The following IRS2 variants were observed in gnomAD, a reference collection of about 807,000 sequenced individuals.
IRS2 encodes insulin receptor substrate 2.
IRS2 carries 28 observed loss-of-function variants against 70.9 expected under a neutral mutation model. The observed-to-expected ratio is 0.39, with a 90% CI of 0.29 to 0.54. IRS2 has a LOEUF of 0.54. IRS2 is among the 20% of genes least tolerant of loss of function. IRS2 has a pLI of 0.59. For synonymous variants in IRS2, 1,217 were observed against 981.9 expected (o/e 1.24, Z -4.48); for missense variants, 2,081 against 2,024.1 (o/e 1.03, Z -0.54).
chr13:109,775,775 C>T (rs1047103273), intron 1 of IRS2, among the ~76,000 whole-genome samples: 7 of 151,526 alleles, frequency 4.6e-5, no homozygotes, highest in African/African-American at 1.5e-4. Flanking sequence ...CACACACACA[C>T]ACACACACAC....
At chr13:109,764,471 ATAAT>A (rs1877292909) in intron 1 of IRS2, among the ~76,000 whole-genome samples, 1 of 152,226 alleles carries the variant, frequency 6.6e-6, no homozygotes, top group South Asian at 2.1e-4. Context: ...AAATATATAA[ATAAT>A]TAATACCAAA....
intron 1 of IRS2, among the ~76,000 whole-genome samples, chr13:109,769,999 G>A (rs1042215288): frequency 2.6e-5 from 4 of 152,262 alleles, no homozygotes; most frequent in Non-Finnish European, 5.9e-5. Flanking sequence ...AACTGCAAAA[G>A]GTGGCAAAAG....
At chr13:109,757,053 G>A (rs183478476) in intron 1 of IRS2, among the ~76,000 whole-genome samples, 51 of 152,292 alleles carry the variant, frequency 3.3e-4, no homozygotes, top group Admixed American at 2.7e-3. Flanking sequence ...CTGAGGACAC[G>A]TGGCCAGATC....
In IRS2 at chr13:109,783,570, G is replaced by T; in HGVS notation, c.2484C>A (p.Ser828=). The change falls in exon 1 of 2, where the codon TCC becomes TCA. Residue 828 remains serine, a synonymous_variant. Coordinates refer to ENST00000375856, the MANE Select transcript of IRS2 (RefSeq NM_003749.3). ...GDSDQYVLMS[S]PVGRILEEER... ...CCTCCTCCAGGATGCGCCCCACGGG[G>T]GAGCTCATGAGCACGTACTGGTCGC... 1 of 1,549,290 alleles carries T rather than the reference G, an allele frequency of 6.5e-7. No homozygotes were observed. Among genetic ancestry groups the T allele is most frequent in the Non-Finnish European group, 8.7e-7 (1 of 1,146,254 alleles).
rs1196624356 is a variant in IRS2 at position 109,782,986 on chromosome 13, G to A, written c.3068C>T (p.Ala1023Val). ...CGGCTGCAGAGACGACGACGGGGAC[G>A]CGGACGGACGCGGGGGCAACGGCGG... Reference protein sequence around the residue: ...PYPPLPPRPSASPSSSLQPPP... With the variant: ...PYPPLPPRPSVSPSSSLQPPP... The change falls in exon 1 of 2, where the codon GCG becomes GTG. Residue 1023 changes from alanine to valine, a missense_variant. Ala to Val is a moderately conservative substitution (Grantham distance 64). This residue lies in a region of IRS2 where 1,615 missense variants were observed against 1,459.5 expected (regional missense o/e 1.11). Transcript: ENST00000375856. 1.8e-5 allele frequency: 25 copies of A among 1,377,934 alleles called. No homozygotes were observed. The highest frequency in any genetic ancestry group is 2.2e-5 in the Non-Finnish European group (24 of 1,070,118). 85.4% of individuals were successfully genotyped at this position (1,377,934 alleles called of 1,614,324 possible). A position where few individuals can be genotyped will look rare whatever the true frequency, so the allele number is the denominator to read the frequency against.
Position 109,783,778 on chromosome 13 carries a change from T to C in IRS2, c.2276A>G (p.Lys759Arg). 2 of 1,597,600 alleles carry C rather than the reference T, an allele frequency of 1.3e-6. No individual in the cohort carries two copies. Among genetic ancestry groups the C allele is most frequent in the Non-Finnish European group, 1.7e-6 (2 of 1,172,618 alleles). ...GAGGTAGTCCCCGTTGGGCAGCAGC[T>C]TGCCATCTGCATGCTCCATGGACAG... is the stretch of plus-strand genomic sequence containing the variant. ...SKLSMEHADGKLLPNGDYLNV... is the reference protein window; with the variant it reads ...SKLSMEHADGRLLPNGDYLNV... Residue 759 changes from lysine to arginine, a missense_variant, in exon 1 of 2, where the codon AAG becomes AGG. Lys to Arg is a conservative substitution (Grantham distance 26). Around this residue, in one of 4 missense-constraint regions of IRS2, gnomAD observed 1,615 missense variants for 1,459.5 expected, o/e 1.11. Coordinates refer to ENST00000375856, the MANE Select transcript of IRS2 (RefSeq NM_003749.3).
intron 1 of IRS2, among the ~76,000 whole-genome samples, chr13:109,777,331 C>A (rs558745390): frequency 6.6e-6 from 1 of 152,144 alleles, no homozygotes; most frequent in African/African-American, 2.4e-5. Context: ...CTTAGAACTA[C>A]GTTTCTAAAG....
intron 1 of IRS2, among the ~76,000 whole-genome samples, chr13:109,780,424 C>T (rs564188799): frequency 1.3e-5 from 2 of 152,280 alleles, no homozygotes; most frequent in African/African-American, 2.4e-5. Context: ...TACATTCTGG[C>T]GACTTCCAAT....
At chr13:109,760,997 G>A (rs1358499948) in intron 1 of IRS2, among the ~76,000 whole-genome samples, 1 of 152,198 alleles carries the variant, frequency 6.6e-6, no homozygotes, top group Non-Finnish European at 1.5e-5. Context: ...AGCATTTTCG[G>A]CACACAGTCT....
At chr13:109,757,675 TTTATTA>T (rs1277875011) in intron 1 of IRS2, among the ~76,000 whole-genome samples, 1 of 152,288 alleles carries the variant, frequency 6.6e-6, no homozygotes, top group East Asian at 1.9e-4. Context: ...ATCTATTTTA[TTTATTA>T]TTATTATTAG....
intron 1 of IRS2, among the ~76,000 whole-genome samples, chr13:109,767,857 T>C (rs1342794025): frequency 6.7e-6 from 1 of 148,270 alleles, no homozygotes; most frequent in Non-Finnish European, 1.5e-5. Flanking sequence ...CTCAGCCTCC[T>C]AAGCAGCTGG....
chr13:109,785,557 G>A lies in IRS2; in HGVS notation c.497C>T (p.Ser166Phe), dbSNP rs1435175514. 1.4e-6 allele frequency: 2 copies of A among 1,477,240 alleles called. No homozygotes were observed. The highest frequency in any genetic ancestry group is 9.0e-7 in the Non-Finnish European group (1 of 1,109,528). 91.5% of individuals were successfully genotyped at this position (1,477,240 alleles called of 1,614,324 possible). Residue 166 changes from serine to phenylalanine, a missense_variant, in exon 1 of 2, where the codon TCC becomes TTC. Ser to Phe is a radical substitution (Grantham distance 155). This residue lies in a region of IRS2 where 320 missense variants were observed against 352.9 expected (regional missense o/e 0.91). Coordinates refer to ENST00000375856, the MANE Select transcript of IRS2 (RefSeq NM_003749.3). The surrounding 1 kb of genome is among the most constrained non-coding windows in gnomAD (Gnocchi z 9.3). The stretch of plus-strand genomic sequence containing the variant: ...AGAGCCGCCCAGGGCGCCGGGCAGG[G>A]AGGCGCTGCAGGACGCGGCGGGCGC... The part of the protein sequence containing the change: ...AAAPAASCSA[S>F]LPGALGGSAG...
Position 109,786,112 on chromosome 13 carries a change from G to A in IRS2, c.-59C>T, listed in dbSNP as rs984473307. ...GCGCCCAGGGGTTGGGGCGAGGGGC[G>A]GAGGGGGCGCGGGCGGGGGCGGCTC... On this transcript the variant is annotated 5_prime_UTR_variant, in exon 1 of 2. Coordinates refer to ENST00000375856, the MANE Select transcript of IRS2 (RefSeq NM_003749.3). This position sits in a 1 kb window ranked among gnomAD's most constrained non-coding sequence, Gnocchi z 4.4. 231 of 959,116 alleles carry A rather than the reference G, an allele frequency of 2.4e-4. No individual in the cohort carries two copies. The highest frequency in any genetic ancestry group is 6.2e-4 in the Admixed American group (10 of 16,010). 59.4% of individuals were successfully genotyped at this position (959,116 alleles called of 1,614,324 possible). A position where few individuals can be genotyped will look rare whatever the true frequency, so the allele number is the denominator to read the frequency against.
At position 109,783,812 on chromosome 13, in the gene IRS2, C is replaced by T. The variant is rs1268765471; in HGVS notation, c.2242G>A (p.Gly748Ser). The T allele has an allele frequency of 1.3e-6, 2 of 1,594,374 alleles. No individual in the cohort carries two copies. The highest frequency in any genetic ancestry group is 1.7e-5 in the Admixed American group (1 of 58,130). Residue 748 changes from glycine (G) to serine (S), a missense_variant, in exon 1 of 2, where the codon GGT becomes AGT. By Grantham distance (56) the Gly-to-Ser change is moderately conservative (BLOSUM62 0). Coordinates refer to ENST00000375856, the MANE Select transcript of IRS2 (RefSeq NM_003749.3). ...EDSGYMRMWC[G>S]SKLSMEHADG... ...GCATGCTCCATGGACAGCTTGGAACCGCACCACATGCGCATGTACCCACTG... is the reference window on the plus strand; with the variant it reads ...GCATGCTCCATGGACAGCTTGGAACTGCACCACATGCGCATGTACCCACTG...
Position 109,785,430 on chromosome 13 carries a change from G to T in IRS2, c.624C>A (p.Gly208=), listed in dbSNP as rs142923213. 2.1e-3 allele frequency: 3,322 copies of T among 1,612,226 alleles called. 15 individuals carry two copies. The highest frequency in any genetic ancestry group is 0.016 in the Middle Eastern group (99 of 6,056). Residue 208 remains glycine (G), a synonymous_variant, in exon 1 of 2, where the codon GGC becomes GGA. Coordinates refer to ENST00000375856, the MANE Select transcript of IRS2 (RefSeq NM_003749.3). This position sits in a 1 kb window ranked among gnomAD's most constrained non-coding sequence, Gnocchi z 9.3. ...ACACCCCCGTCAGGTTCTTGCTCTG[G>T]CCCAGACCCTTGGGCTTCAGGTTCA... is the stretch of plus-strand genomic sequence containing the variant. ...WQVNLKPKGL[G]QSKNLTGVYR...
At chr13:109,777,970 T>C (rs1356947292) in intron 1 of IRS2, among the ~76,000 whole-genome samples, 1 of 152,222 alleles carries the variant, frequency 6.6e-6, no homozygotes, top group Non-Finnish European at 1.5e-5. Flanking sequence ...GTAAGCAATT[T>C]TTAAGGTGCT....
Position 109,785,837 on chromosome 13 carries a change from G to C in IRS2, c.217C>G (p.Leu73Val), listed in dbSNP as rs2138939335. The C allele has an allele frequency of 6.5e-7, 1 of 1,544,976 alleles. No individual in the cohort carries two copies. Among genetic ancestry groups the C allele is most frequent in the Non-Finnish European group, 8.7e-7 (1 of 1,152,542 alleles). ...GGGSAPQPPR[L>V]EYYESEKKWR... ...TTTTTCTCGCTCTCGTAGTACTCGA[G>C]CCGCGGCGGTTGCGGCGCCGACCCC... is the stretch of plus-strand genomic sequence containing the variant. Residue 73 changes from leucine to valine, a missense_variant, in exon 1 of 2, where the codon CTC becomes GTC. Coordinates refer to ENST00000375856, the MANE Select transcript of IRS2 (RefSeq NM_003749.3). This position sits in a 1 kb window ranked among gnomAD's most constrained non-coding sequence, Gnocchi z 9.3.
chr13:109,760,504 A>C (rs1051211421), intron 1 of IRS2, among the ~76,000 whole-genome samples: 13 of 152,216 alleles, frequency 8.5e-5, no homozygotes, highest in African/African-American at 2.9e-4. Context: ...CCAACAAACA[A>C]AAACACTTTT....
At position 109,785,804 on chromosome 13, in the gene IRS2, T is replaced by C. The variant is rs2138939244; in HGVS notation, c.250A>G (p.Ser84Gly). ...EYYESEKKWRSKAGAPKRVIA... is the reference protein window; with the variant it reads ...EYYESEKKWRGKAGAPKRVIA... Reference sequence around the variant, plus strand: ...ACCCGTTTCGGCGCGCCTGCCTTGCTCCGCCACTTTTTCTCGCTCTCGTAG... The same window carrying C: ...ACCCGTTTCGGCGCGCCTGCCTTGCCCCGCCACTTTTTCTCGCTCTCGTAG... The change falls in exon 1 of 2, where the codon AGC becomes GGC. Residue 84 changes from serine to glycine, a missense_variant. By Grantham distance (56) the Ser-to-Gly change is moderately conservative. Around this residue, in one of 4 missense-constraint regions of IRS2, gnomAD observed 320 missense variants for 352.9 expected, o/e 0.91. Transcript: ENST00000375856. This position sits in a 1 kb window ranked among gnomAD's most constrained non-coding sequence, Gnocchi z 9.3. The C allele has an allele frequency of 6.4e-7, 1 of 1,570,098 alleles. No individual in the cohort carries two copies. Among genetic ancestry groups the C allele is most frequent in the Non-Finnish European group, 8.6e-7 (1 of 1,166,010 alleles).
Sources: allele counts gnomAD v4.1 joint callset (sites outside exome capture counted in the v4.1 genomes callset), GRCh38; gene constraint gnomAD v4.1.1; regional missense constraint gnomAD v4.1.1; non-coding constraint Gnocchi (gnomAD v3.1); transcripts MANE v1.5; gene names NCBI Gene and HGNC (gene_info 2026-07-23, HGNC 2026-07-21).